The following LYRM4 variants were observed in gnomAD, a reference collection of about 807,000 sequenced individuals.
LYRM4 encodes the protein LYR motif-containing protein 4.
In LYRM4, 9 loss-of-function variants were observed where a neutral mutation model predicts 11.7. The observed-to-expected ratio is 0.77, with a 90% CI of 0.46 to 1.34. The LOEUF (loss-of-function observed/expected upper bound fraction) is 1.34. LYRM4 is among the 40% of genes most tolerant of loss of function. LYRM4 has a pLI of 0.00. For missense variants in LYRM4, 133 were observed against 112.5 expected (o/e 1.18, Z -0.82); for synonymous variants, 42 against 40.4 (o/e 1.04, Z -0.15).
At chr6:5,063,361 T>A in the LYRM4 span, among the ~76,000 whole-genome samples, 1 of 151,526 alleles carries the variant, frequency 6.6e-6, no homozygotes, top group African/African-American at 2.4e-5. Context: ...GAGATTGGAG[T>A]CCCTGGAAGG....
rs371235833 is a variant in LYRM4 at position 5,243,348 on chromosome 6, G to A, written c.86+17300C>T. Among the ~76,000 whole-genome samples, 42 of 152,300 alleles carry A rather than the reference G, an allele frequency of 2.8e-4. No homozygotes were observed. The South Asian group carries it at 7.7e-3, about 28-fold the overall frequency. On this transcript the variant is annotated intron_variant, in intron 1 of 2. Coordinates refer to ENST00000330636, the MANE Select transcript of LYRM4 (RefSeq NM_020408.6). ...CTTGTGCACACGGCAAGGACTCTGC[G>A]AACAGGAAATAAATCAACCATATTC...
chr6:5,204,924 G>A (rs1269082150), intron 2 of LYRM4, among the ~76,000 whole-genome samples: 1 of 152,136 alleles, frequency 6.6e-6, no homozygotes, highest in Admixed American at 6.5e-5. Context: ...AAGACTTCTG[G>A]CCAGAAAGCA....
chr6:5,130,035 T>C (rs1763877684), intron 2 of LYRM4, among the ~76,000 whole-genome samples: 1 of 152,270 alleles, frequency 6.6e-6, no homozygotes, highest in African/African-American at 2.4e-5. Flanking sequence ...TTCCCAGCTC[T>C]GGCTACAAAA....
At chr6:5,124,993 C>T (rs148571830) in intron 2 of LYRM4, among the ~76,000 whole-genome samples, 1 of 152,304 alleles carries the variant, frequency 6.6e-6, no homozygotes, top group Non-Finnish European at 1.5e-5. Flanking sequence ...TTCATGTCCC[C>T]AGCACCTAGC....
At chr6:5,053,218 T>TA in the LYRM4 span, among the ~76,000 whole-genome samples, 1 of 152,216 alleles carries the variant, frequency 6.6e-6, no homozygotes, top group African/African-American at 2.4e-5. Context: ...AATGGGTTTT[T>TA]ATGTTCAGCT....
At chr6:5,115,567 C>A (rs1219001791) in intron 2 of LYRM4, among the ~76,000 whole-genome samples, 1 of 152,116 alleles carries the variant, frequency 6.6e-6, no homozygotes, top group East Asian at 1.9e-4. Flanking sequence ...GATGAAAATT[C>A]TAGGGGAGGG....
the LYRM4 span, among the ~76,000 whole-genome samples, chr6:5,071,824 A>G: frequency 6.6e-6 from 1 of 152,022 alleles, no homozygotes; most frequent in African/African-American, 2.4e-5. Context: ...GTGTGTTTTT[A>G]GTAGAGACGG....
At chr6:5,092,354 C>A in the LYRM4 span, among the ~76,000 whole-genome samples, 61 of 152,224 alleles carry the variant, frequency 4.0e-4, 1 homozygote, top group Non-Finnish European at 7.6e-4. Flanking sequence ...TCTTTTTAAA[C>A]CCTTAGTAGG....
chr6:5,057,991 G>A, the LYRM4 span, among the ~76,000 whole-genome samples: 1 of 152,032 alleles, frequency 6.6e-6, no homozygotes, highest in Non-Finnish European at 1.5e-5. Flanking sequence ...GACTCAAACA[G>A]TCCTCCTGCC....
the LYRM4 span, chr6:5,085,911 G>A: frequency 1.3e-6 from 2 of 1,531,190 alleles, no homozygotes; most frequent in Non-Finnish European, 1.7e-6. Flanking sequence ...GGCTAAGCCT[G>A]GCCAGCGTGA....
chr6:5,062,927 G>A, the LYRM4 span, among the ~76,000 whole-genome samples: 1 of 152,166 alleles, frequency 6.6e-6, no homozygotes, highest in Non-Finnish European at 1.5e-5. Context: ...AGGTCACACT[G>A]GCAAGGGCCC....
At chr6:5,160,815 G>T (rs2127653777) in intron 2 of LYRM4, among the ~76,000 whole-genome samples, 1 of 152,334 alleles carries the variant, frequency 6.6e-6, no homozygotes, top group Non-Finnish European at 1.5e-5. Flanking sequence ...CTGACCACGA[G>T]ATGCTCTCCT....
At chr6:5,232,074 G>A (rs1226898982) in intron 1 of LYRM4, among the ~76,000 whole-genome samples, 2 of 152,146 alleles carry the variant, frequency 1.3e-5, no homozygotes, top group Non-Finnish European at 2.9e-5. Flanking sequence ...TATCAGAATG[G>A]CACTTGGCAT....
intron 1 of LYRM4, among the ~76,000 whole-genome samples, chr6:5,247,716 C>T (rs899506863): frequency 6.6e-6 from 1 of 152,096 alleles, no homozygotes; most frequent in Non-Finnish European, 1.5e-5. Flanking sequence ...TTCAGAACAT[C>T]ACACCAGGAA....
chr6:5,172,675 C>G (rs558936506), intron 2 of LYRM4, among the ~76,000 whole-genome samples: 11 of 152,302 alleles, frequency 7.2e-5, no homozygotes, highest in African/African-American at 1.9e-4. Flanking sequence ...ATCACACAGA[C>G]AGAAACACGC....
chr6:5,040,352 G>C, the LYRM4 span, among the ~76,000 whole-genome samples: 1,843 of 130,140 alleles, frequency 0.014, 40 homozygotes, highest in African/African-American at 0.048. Context: ...TAGATAGATA[G>C]ATACATACAT....
chr6:5,218,232 C>G (rs1762389716), intron 1 of LYRM4: 1 of 984,126 alleles, frequency 1.0e-6, no homozygotes, highest in Admixed American at 6.1e-5. Flanking sequence ...TGATCACAGA[C>G]TGCTCTGCTT....
chr6:5,216,467 AC>A lies in LYRM4; in HGVS notation c.207+150del. 3.6e-6 allele frequency: 3 copies of A among 825,220 alleles called. No homozygotes were observed. The South Asian group carries it at 5.3e-5, about 15-fold the overall frequency. The allele number at this position is 825,220 out of a possible 1,614,324, so 51.1% of individuals were successfully genotyped here. On this transcript the variant is annotated intron_variant, in intron 2 of 2. Coordinates refer to ENST00000330636, the MANE Select transcript of LYRM4 (RefSeq NM_020408.6). ...CTTGAATCTGAAAATATGAGAGTTC[AC>A]CTTTACATGTCTGTATTAGTACAAG...
chr6:5,047,386 C>T, the LYRM4 span, among the ~76,000 whole-genome samples: 1 of 152,186 alleles, frequency 6.6e-6, no homozygotes, highest in Non-Finnish European at 1.5e-5. Context: ...TAGACCTCCT[C>T]ATTTTCATGA....
Sources: gnomAD v4.1 joint callset for allele counts (sites outside exome capture counted in the v4.1 genomes callset) on GRCh38, gnomAD v4.1.1 for gene constraint, MANE v1.5 for transcripts, NCBI Gene and HGNC (gene_info 2026-07-23, HGNC 2026-07-21) for gene names.